BRINP3: variants seen among roughly 807,000 people sequenced by gnomAD.
The protein encoded by BRINP3 is BMP/retinoic acid inducible neural specific 3.
BRINP3 carries 19 observed loss-of-function variants against 71.0 expected under a neutral mutation model. The observed-to-expected ratio is 0.27, with a 90% CI of 0.19 to 0.39. The LOEUF (loss-of-function observed/expected upper bound fraction) is 0.39. BRINP3 is among the 10% of genes least tolerant of loss of function. The pLI is 1.00. For missense variants in BRINP3, 959 were observed against 940.8 expected (o/e 1.02, Z -0.25); for synonymous variants, 380 against 337.7 (o/e 1.13, Z -1.37).
At chr1:190,164,164 C>A (rs1342920235) in intron 6 of BRINP3, among the ~76,000 whole-genome samples, 1 of 152,096 alleles carries the variant, frequency 6.6e-6, no homozygotes, top group African/African-American at 2.4e-5. Flanking sequence ...CGTAAAAAAA[C>A]TTTGACCAAT....
rs574113963 is a variant in BRINP3, at chr1:190,192,977, C to T, written c.962-32087G>A. 5.9e-5 allele frequency among the ~76,000 whole-genome samples: 9 copies of T among 152,102 alleles called. No homozygotes were observed. The South Asian group carries it at 1.0e-3, about 18-fold the overall frequency. ...GGTGAGTGATATAGTAAACTTTATG[C>T]CCCTCAAAACATGTCTGCCTTATGC... is the stretch of plus-strand genomic sequence containing the variant. On this transcript the variant is annotated intron_variant, in intron 6 of 7. Transcript: ENST00000367462.
intron 1 of BRINP3, among the ~76,000 whole-genome samples, chr1:190,465,164 T>C (rs944458743): frequency 1.4e-4 from 21 of 151,936 alleles, no homozygotes; most frequent in African/African-American, 4.8e-4. Context: ...TATCATGGTG[T>C]TTCAACGTAG....
intron 4 of BRINP3, among the ~76,000 whole-genome samples, chr1:190,259,163 G>A (rs116286378): frequency 6.0e-5 from 9 of 150,986 alleles, no homozygotes; most frequent in Non-Finnish European, 1.2e-4. Context: ...CAGTATTACC[G>A]CCTACCAAAA....
At chr1:190,475,469 C>A (rs547466771) in intron 1 of BRINP3, among the ~76,000 whole-genome samples, 1 of 152,142 alleles carries the variant, frequency 6.6e-6, no homozygotes, top group Non-Finnish European at 1.5e-5. Flanking sequence ...ACCAAGCACA[C>A]GTTCGCTGCA....
At chr1:190,406,385 A>AT (rs1427186821) in intron 2 of BRINP3, among the ~76,000 whole-genome samples, 1 of 152,196 alleles carries the variant, frequency 6.6e-6, no homozygotes, top group Non-Finnish European at 1.5e-5. Flanking sequence ...AGCTTAACAC[A>AT]AATCACATTA....
chr1:190,140,628 CA>C (rs1261591620), intron 7 of BRINP3, among the ~76,000 whole-genome samples: 1 of 152,044 alleles, frequency 6.6e-6, no homozygotes, highest in East Asian at 1.9e-4. Flanking sequence ...TGCTCAACAT[CA>C]AACAAACTTT....
chr1:190,473,828 A>G (rs1677312742), intron 1 of BRINP3, among the ~76,000 whole-genome samples: 1 of 149,252 alleles, frequency 6.7e-6, no homozygotes, highest in African/African-American at 2.5e-5. Context: ...AGATTTTCAT[A>G]CTGGGGTTGT....
intron 7 of BRINP3, among the ~76,000 whole-genome samples, chr1:190,105,225 C>T (rs1382400737): frequency 2.0e-5 from 3 of 151,978 alleles, no homozygotes; most frequent in African/African-American, 7.2e-5. Context: ...AATACTTTTG[C>T]ACTCTGAGAA....
chr1:190,286,977 G>GT (rs1188118961), intron 2 of BRINP3, among the ~76,000 whole-genome samples: 1 of 151,872 alleles, frequency 6.6e-6, no homozygotes, highest in Non-Finnish European at 1.5e-5. Context: ...CAAGCACTTT[G>GT]GGAGGCTGAG....
chr1:190,312,054 T>TATAC (rs1382160613), intron 2 of BRINP3, among the ~76,000 whole-genome samples: 9 of 139,492 alleles, frequency 6.5e-5, no homozygotes, highest in Non-Finnish European at 1.4e-4. Context: ...TATATATATA[T>TATAC]ATATATATAT....
chr1:190,439,207 T>A (rs992819885), intron 2 of BRINP3, among the ~76,000 whole-genome samples: 3 of 151,836 alleles, frequency 2.0e-5, no homozygotes, highest in African/African-American at 4.8e-5. Context: ...TATCTTCCAC[T>A]CTTCCTAGGA....
At chr1:190,249,839 T>C (rs1421477941) in intron 4 of BRINP3, among the ~76,000 whole-genome samples, 2 of 151,928 alleles carry the variant, frequency 1.3e-5, no homozygotes, top group African/African-American at 4.8e-5. Flanking sequence ...TCAACAGTAT[T>C]ATTAAATTTC....
intron 7 of BRINP3, among the ~76,000 whole-genome samples, chr1:190,127,004 T>G (rs973214052): frequency 4.6e-5 from 7 of 151,866 alleles, no homozygotes; most frequent in Non-Finnish European, 8.8e-5. Context: ...AATATTTAAT[T>G]TGATCACAAA....
At chr1:190,204,302 A>G (rs1369285767) in intron 6 of BRINP3, among the ~76,000 whole-genome samples, 2 of 151,976 alleles carry the variant, frequency 1.3e-5, no homozygotes, top group African/African-American at 4.8e-5. Flanking sequence ...AAACCTTAAG[A>G]AGAAAATGGA....
intron 2 of BRINP3, among the ~76,000 whole-genome samples, chr1:190,396,713 G>GATAGATATATATATATATATATATAT (rs1553310923): frequency 9.9e-6 from 1 of 101,022 alleles, no homozygotes; most frequent in African/African-American, 3.8e-5. Flanking sequence ...CTAATTTAAT[G>GATAGATATATATATATATATATATAT]ATATATATAT....
At chr1:190,167,623 A>G (rs1651671620) in intron 6 of BRINP3, among the ~76,000 whole-genome samples, 1 of 152,300 alleles carries the variant, frequency 6.6e-6, no homozygotes, top group Middle Eastern at 3.4e-3. Context: ...CCAGGATTGA[A>G]TTTAAATTCC....
At chr1:190,384,687 A>C (rs965847239) in intron 2 of BRINP3, among the ~76,000 whole-genome samples, 1 of 151,970 alleles carries the variant, frequency 6.6e-6, no homozygotes, top group African/African-American at 2.4e-5. Flanking sequence ...CACATCCTTT[A>C]TAAGTAAGCA....
At chr1:190,322,617 C>A (rs1666319207) in intron 2 of BRINP3, among the ~76,000 whole-genome samples, 1 of 151,992 alleles carries the variant, frequency 6.6e-6, no homozygotes, top group Admixed American at 6.6e-5. Context: ...AAAAATGAAT[C>A]CGAGGACCAG....
At chr1:190,194,222 A>C (rs915883850) in intron 6 of BRINP3, among the ~76,000 whole-genome samples, 1 of 152,150 alleles carries the variant, frequency 6.6e-6, no homozygotes, top group African/African-American at 2.4e-5. Flanking sequence ...TGCTGTAAGC[A>C]TAATCACAGA....
Sources: gnomAD v4.1 joint callset for allele counts (sites outside exome capture counted in the v4.1 genomes callset) on GRCh38, gnomAD v4.1.1 for gene constraint, MANE v1.5 for transcripts, NCBI Gene and HGNC (gene_info 2026-07-23, HGNC 2026-07-21) for gene names.